The following TRAPPC9 variants were observed in gnomAD, a reference collection of about 807,000 sequenced individuals.
TRAPPC9 encodes IKK2 binding protein.
Under a neutral mutation model 124.0 loss-of-function variants are expected in TRAPPC9, and 83 were observed. The ratio of observed to expected loss-of-function variants is 0.67; its 90% confidence interval spans 0.56 to 0.80. The LOEUF is 0.80. Among genes scored for constraint, TRAPPC9 ranks in the 30% least tolerant of loss-of-function variants. TRAPPC9 has a pLI of 0.00. For synonymous variants in TRAPPC9, 638 were observed against 617.5 expected (o/e 1.03, Z -0.49); for missense variants, 1,302 against 1,508.3 (o/e 0.86, Z 2.27).
chr8:140,046,183 G>A lies in TRAPPC9; in HGVS notation c.2557-22104C>T, dbSNP rs548859429. On this transcript the variant is annotated intron_variant, in intron 17 of 22. Coordinates refer to ENST00000438773, the MANE Select transcript of TRAPPC9 (RefSeq NM_001160372.4). ...GTGCTGAGCGGTCTTGCCGCTCTCC[G>A]GTGGTGCTTGGCACGGTCCACGGTG... is the stretch of plus-strand genomic sequence containing the variant. Among the ~76,000 whole-genome samples, 35 of 120,450 alleles carry A rather than the reference G, an allele frequency of 2.9e-4. 1 individual carries two copies. The highest frequency in any genetic ancestry group is 1.1e-3 in the African/African-American group (33 of 30,436). 79.0% of individuals were successfully genotyped at this position (120,450 alleles called of 152,430 possible). A position where few individuals can be genotyped will look rare whatever the true frequency, so the allele number is the denominator to read the frequency against.
At chr8:140,340,454 G>A (rs2067163344) in intron 9 of TRAPPC9, among the ~76,000 whole-genome samples, 1 of 152,200 alleles carries the variant, frequency 6.6e-6, no homozygotes, top group Non-Finnish European at 1.5e-5. Context: ...CCTCACCCGG[G>A]AAACTGCCCA....
chr8:140,337,664 T>C (rs961338858), intron 9 of TRAPPC9, among the ~76,000 whole-genome samples: 31 of 152,194 alleles, frequency 2.0e-4, no homozygotes, highest in Admixed American at 1.6e-3. Context: ...GCCCTGAACC[T>C]GCTGCCTCCC....
At chr8:140,185,346 G>A (rs4634619) in intron 17 of TRAPPC9, among the ~76,000 whole-genome samples, 51,147 of 152,140 alleles carry the variant, frequency 0.34, 10,042 homozygotes, top group South Asian at 0.49. Flanking sequence ...AGAGGAGGCT[G>A]GACAGGTGGC....
At chr8:140,272,930 C>CTAAACCA (rs2065004127) in intron 15 of TRAPPC9, among the ~76,000 whole-genome samples, 1 of 151,790 alleles carries the variant, frequency 6.6e-6, no homozygotes, top group African/African-American at 2.4e-5. Context: ...GGACACACAC[C>CTAAACCA]TAAACCACAG....
At chr8:139,987,555 G>C (rs1014876819) in intron 19 of TRAPPC9, among the ~76,000 whole-genome samples, 1 of 152,150 alleles carries the variant, frequency 6.6e-6, no homozygotes, top group African/African-American at 2.4e-5. Flanking sequence ...CAGAGAGAGA[G>C]AGAGAGAGAG....
intron 21 of TRAPPC9, among the ~76,000 whole-genome samples, chr8:139,836,915 C>T (rs2130867911): frequency 6.6e-6 from 1 of 152,040 alleles, no homozygotes; most frequent in South Asian, 2.1e-4. Flanking sequence ...ATGTGAACGG[C>T]TCCTTCTGTC....
intron 9 of TRAPPC9, among the ~76,000 whole-genome samples, chr8:140,347,205 G>C (rs1350561896): frequency 1.3e-5 from 2 of 152,172 alleles, no homozygotes; most frequent in African/African-American, 4.8e-5. Context: ...TCCCCATGGG[G>C]TCCAGCTCAG....
At chr8:139,992,754 G>A (rs1415821005) in intron 18 of TRAPPC9, among the ~76,000 whole-genome samples, 1 of 151,510 alleles carries the variant, frequency 6.6e-6, no homozygotes, top group African/African-American at 2.4e-5. Flanking sequence ...CTACAAAGCA[G>A]ACCCATGAAT....
At chr8:140,118,014 A>G (rs948562081) in intron 17 of TRAPPC9, among the ~76,000 whole-genome samples, 3 of 152,262 alleles carry the variant, frequency 2.0e-5, no homozygotes, top group Admixed American at 1.3e-4. Flanking sequence ...TTGAAGTCAT[A>G]ACTGTGTAAC....
intron 19 of TRAPPC9, among the ~76,000 whole-genome samples, chr8:139,925,386 C>T (rs1277693813): frequency 6.6e-6 from 1 of 152,196 alleles, no homozygotes; most frequent in Non-Finnish European, 1.5e-5. Flanking sequence ...TGGACCCTTT[C>T]ATTCTGCATA....
At chr8:140,160,047 G>A (rs1224080226) in intron 17 of TRAPPC9, among the ~76,000 whole-genome samples, 2 of 152,174 alleles carry the variant, frequency 1.3e-5, no homozygotes, top group Non-Finnish European at 2.9e-5. Context: ...ATGAAAAAAC[G>A]CTCATCATCA....
chr8:139,795,828 G>T (rs1666913897), intron 21 of TRAPPC9, among the ~76,000 whole-genome samples: 1 of 152,154 alleles, frequency 6.6e-6, no homozygotes, highest in Non-Finnish European at 1.5e-5. Context: ...CCTGGAGATG[G>T]ATCCTCAAAA....
At chr8:140,446,181 C>T (rs1176542818) in intron 2 of TRAPPC9, among the ~76,000 whole-genome samples, 2 of 150,384 alleles carry the variant, frequency 1.3e-5, no homozygotes, top group African/African-American at 4.9e-5. Context: ...GTAATCCCAG[C>T]TACTTGAGAG....
At chr8:140,395,783 G>A (rs1020894995) in intron 7 of TRAPPC9, among the ~76,000 whole-genome samples, 9 of 151,566 alleles carry the variant, frequency 5.9e-5, no homozygotes, top group African/African-American at 1.9e-4. Flanking sequence ...CCTGTCTCTC[G>A]CCTGAGCCCC....
intron 18 of TRAPPC9, among the ~76,000 whole-genome samples, chr8:140,015,279 G>A (rs747660084): frequency 3.9e-5 from 6 of 152,208 alleles, no homozygotes; most frequent in Non-Finnish European, 5.9e-5. Flanking sequence ...GAGCAAATCA[G>A]AAAACTCTCC....
At chr8:140,033,677 T>TGTTTG (rs1473241600) in intron 17 of TRAPPC9, among the ~76,000 whole-genome samples, 2 of 100,240 alleles carry the variant, frequency 2.0e-5, no homozygotes, top group Non-Finnish European at 4.0e-5. Flanking sequence ...TTTTTTTTTT[T>TGTTTG]TTTTTTTTTT....
intron 19 of TRAPPC9, among the ~76,000 whole-genome samples, chr8:139,936,215 C>G (rs915260216): frequency 1.3e-5 from 2 of 152,256 alleles, no homozygotes; most frequent in African/African-American, 4.8e-5. Flanking sequence ...CCGTCTAGCA[C>G]GCACCATCAC....
At chr8:139,890,870 T>G (rs1176045690) in intron 20 of TRAPPC9, among the ~76,000 whole-genome samples, 1 of 151,212 alleles carries the variant, frequency 6.6e-6, no homozygotes. Context: ...ATTTAAAAAT[T>G]TAAAAAAAAA....
At chr8:139,908,078 T>A (rs1332304520) in intron 20 of TRAPPC9, among the ~76,000 whole-genome samples, 2 of 152,078 alleles carry the variant, frequency 1.3e-5, no homozygotes, top group African/African-American at 4.8e-5. Context: ...ACTAGCAGGG[T>A]GCCCCTGTGT....
Sources: gnomAD v4.1 joint callset for allele counts (sites outside exome capture counted in the v4.1 genomes callset) on GRCh38, gnomAD v4.1.1 for gene constraint, MANE v1.5 for transcripts, NCBI Gene and HGNC (gene_info 2026-07-23, HGNC 2026-07-21) for gene names.